The following RIGI variants were observed in gnomAD, a reference collection of about 807,000 sequenced individuals.
RIGI encodes the protein antiviral innate immune response receptor RIG-I.
chr9:32,517,078 T>C, the RIGI span, among the ~76,000 whole-genome samples: 1 of 152,118 alleles, frequency 6.6e-6, no homozygotes, highest in Non-Finnish European at 1.5e-5. Flanking sequence ...CCAGGTGGAG[T>C]CCCATGTATT....
the RIGI span, chr9:32,491,496 G>T: frequency 8.4e-7 from 1 of 1,189,268 alleles, no homozygotes; most frequent in South Asian, 1.5e-5. Context: ...TCCACAAAAT[G>T]GTCATAACAC....
the RIGI span, chr9:32,501,014 A>G: frequency 3.9e-6 from 6 of 1,537,742 alleles, no homozygotes; most frequent in Non-Finnish European, 5.3e-6. Flanking sequence ...GAAAAGGATC[A>G]CCAGACCTTC....
chr9:32,479,160 A>G, the RIGI span, among the ~76,000 whole-genome samples: 1 of 152,230 alleles, frequency 6.6e-6, no homozygotes, highest in Non-Finnish European at 1.5e-5. Flanking sequence ...GATACAAAAA[A>G]TCTGCAAAAA....
At chr9:32,464,796 C>T in the RIGI span, among the ~76,000 whole-genome samples, 51 of 152,318 alleles carry the variant, frequency 3.3e-4, no homozygotes, top group African/African-American at 1.1e-3. Context: ...TAACTCCCAG[C>T]TACACTGGTT....
At chr9:32,518,820 G>A in the RIGI span, among the ~76,000 whole-genome samples, 2 of 152,224 alleles carry the variant, frequency 1.3e-5, no homozygotes, top group South Asian at 4.1e-4. Flanking sequence ...AATACTTACT[G>A]GTCGGCCTCC....
At chr9:32,484,331 G>A in the RIGI span, among the ~76,000 whole-genome samples, 1 of 152,150 alleles carries the variant, frequency 6.6e-6, no homozygotes, top group Non-Finnish European at 1.5e-5. Context: ...AAATTAAACT[G>A]TGAAAGAAAA....
the RIGI span, chr9:32,526,078 G>A: frequency 7.1e-5 from 115 of 1,613,660 alleles, 2 homozygotes; most frequent in African/African-American, 8.7e-4. Context: ...AAACCAGGGG[G>A]CCATGTAGCT....
At chr9:32,466,264 A>G in the RIGI span, 1 of 1,611,256 alleles carries the variant, frequency 6.2e-7, no homozygotes, top group Non-Finnish European at 8.5e-7. Flanking sequence ...TTATGGTCAG[A>G]TGCTGGAAGA....
chr9:32,467,922 G>A, the RIGI span: 3 of 1,592,812 alleles, frequency 1.9e-6, no homozygotes, highest in Admixed American at 1.7e-5. Context: ...TCTGTGCCGG[G>A]AGGGTCATTC....
chr9:32,495,999 C>G, the RIGI span, among the ~76,000 whole-genome samples: 5,752 of 152,186 alleles, frequency 0.038, 307 homozygotes, highest in African/African-American at 0.12. Flanking sequence ...CATATTAACC[C>G]CTTATCAGGT....
chr9:32,473,025 A>G, the RIGI span: 1 of 1,611,576 alleles, frequency 6.2e-7, no homozygotes, highest in African/African-American at 1.3e-5. Flanking sequence ...AGGTTTTAGA[A>G]AACTGAGTTT....
chr9:32,456,239 A>C, the RIGI span: 12 of 152,142 alleles, frequency 7.9e-5, no homozygotes, highest in Non-Finnish European at 1.8e-4. Context: ...AGAACATATT[A>C]ATAGGGCAAG....
At chr9:32,480,260 C>G in the RIGI span, 1 of 1,610,848 alleles carries the variant, frequency 6.2e-7, no homozygotes, top group African/African-American at 1.3e-5. Context: ...CTCATCGAAT[C>G]CTGCTGCTCG....
the RIGI span, among the ~76,000 whole-genome samples, chr9:32,509,238 G>C: frequency 1.3e-5 from 2 of 152,230 alleles, no homozygotes; most frequent in African/African-American, 4.8e-5. Flanking sequence ...CCAGCACAGT[G>C]CTTGAGCTCT....
chr9:32,511,405 A>G, the RIGI span, among the ~76,000 whole-genome samples: 1 of 152,238 alleles, frequency 6.6e-6, no homozygotes, highest in Non-Finnish European at 1.5e-5. Context: ...GTGCAATCAA[A>G]TTAGAACTGA....
the RIGI span, among the ~76,000 whole-genome samples, chr9:32,492,791 A>G: frequency 6.6e-6 from 1 of 152,158 alleles, no homozygotes; most frequent in Admixed American, 6.5e-5. Flanking sequence ...AAGTTCTTAT[A>G]CCTATCCTCA....
At chr9:32,522,678 T>C in the RIGI span, among the ~76,000 whole-genome samples, 5 of 152,184 alleles carry the variant, frequency 3.3e-5, no homozygotes, top group Non-Finnish European at 7.3e-5. Context: ...AAGAAAACTA[T>C]AGTATTAGAT....
chr9:32,517,937 G>C, the RIGI span, among the ~76,000 whole-genome samples: 131 of 152,268 alleles, frequency 8.6e-4, no homozygotes, highest in Non-Finnish European at 8.1e-4. Flanking sequence ...TTGGATGTTT[G>C]AGTCATTTCC....
chr9:32,488,345 G>T, the RIGI span: 1 of 803,444 alleles, frequency 1.2e-6, no homozygotes. Context: ...CCTTAGCACA[G>T]AGCCTGACAC....
Sources: allele counts gnomAD v4.1 joint callset (sites outside exome capture counted in the v4.1 genomes callset), GRCh38; gene constraint gnomAD v4.1.1; transcripts MANE v1.5; gene names NCBI Gene and HGNC (gene_info 2026-07-23, HGNC 2026-07-21).